ELOVL5: variants seen among roughly 807,000 people sequenced by gnomAD.
ELOVL5 encodes ELOVL fatty acid elongase 5.
ELOVL5 carries 8 observed loss-of-function variants against 38.6 expected under a neutral mutation model. That is an observed-to-expected ratio of 0.21 (90% CI 0.12 to 0.37). The LOEUF (loss-of-function observed/expected upper bound fraction) is 0.37, where lower values mean the gene tolerates loss of function less well. Ranked by LOEUF, ELOVL5 falls within the 10% of genes least tolerant of loss-of-function variation. ELOVL5 has a pLI of 1.00. For synonymous variants in ELOVL5, 127 were observed against 133.7 expected, an observed-to-expected ratio of 0.95 and a Z score of 0.34; for missense variants, 280 against 367.8, an observed-to-expected ratio of 0.76 and a Z score of 1.95.
intron 2 of ELOVL5, chr6:53,294,154 A>T: frequency 7.1e-7 from 1 of 1,416,826 alleles, no homozygotes; most frequent in Non-Finnish European, 9.3e-7. Flanking sequence ...ATCTTTCCAA[A>T]TTGGCACATA....
At chr6:53,269,588 G>T (rs551647135) in intron 7 of ELOVL5, among the ~76,000 whole-genome samples, 1 of 152,310 alleles carries the variant, frequency 6.6e-6, no homozygotes, top group Non-Finnish European at 1.5e-5. Context: ...GATGACAGGG[G>T]TTATGTGGCC....
chr6:53,339,859 G>T (rs1367562891), intron 1 of ELOVL5, among the ~76,000 whole-genome samples: 1 of 152,158 alleles, frequency 6.6e-6, no homozygotes, highest in Non-Finnish European at 1.5e-5. Flanking sequence ...GCTTCAGATA[G>T]GTCCTTCAGG....
At chr6:53,276,559 C>T (rs1009870415) in intron 3 of ELOVL5, among the ~76,000 whole-genome samples, 1 of 152,152 alleles carries the variant, frequency 6.6e-6, no homozygotes, top group East Asian at 1.9e-4. Context: ...AGCACAAGTG[C>T]CCAGACCAAG....
At position 53,279,084 on chromosome 6, in the gene ELOVL5, T is replaced by C. The variant is rs767438084; in HGVS notation, c.247-2828A>G. 1.2e-3 allele frequency among the ~76,000 whole-genome samples: 182 copies of C among 152,206 alleles called. 1 individual carries two copies. The highest frequency in any genetic ancestry group is 3.2e-4 in the Non-Finnish European group (22 of 68,040). On this transcript the variant is annotated intron_variant, in intron 3 of 7. Transcript: ENST00000304434. ...GCATTAGCCCATTAAACCCTAGCTT[T>C]TTCACGTTTTGCTAGGTGACCTTAG...
rs1237300893 is a variant in ELOVL5 at position 53,291,770 on chromosome 6, A to G, written c.246+6T>C. ...GAAAGGAAGACTGTGTTAACCTTTG[A>G]CTTACCTCACAGAACATATACAGAG... On this transcript the variant is annotated splice_donor_region_variant and intron_variant, in intron 3 of 7. Transcript: ENST00000304434. 4 of 1,603,586 alleles carry G rather than the reference A, an allele frequency of 2.5e-6. No homozygotes were observed. Among genetic ancestry groups the G allele is most frequent in the South Asian group, 1.1e-5 (1 of 89,372 alleles).
chr6:53,333,824 A>T (rs1581993053), intron 1 of ELOVL5, among the ~76,000 whole-genome samples: 1 of 152,158 alleles, frequency 6.6e-6, no homozygotes, highest in Admixed American at 6.5e-5. Flanking sequence ...AAAATTTTTA[A>T]ATTATACTTG....
intron 1 of ELOVL5, among the ~76,000 whole-genome samples, chr6:53,348,091 G>T (rs1221365812): frequency 6.8e-6 from 1 of 148,010 alleles, no homozygotes; most frequent in Non-Finnish European, 1.5e-5. Context: ...TCCCAGAAAG[G>T]GCCGCCCCGG....
intron 1 of ELOVL5, among the ~76,000 whole-genome samples, chr6:53,297,745 C>T (rs1022804109): frequency 1.3e-5 from 2 of 151,996 alleles, no homozygotes; most frequent in Non-Finnish European, 1.5e-5. Flanking sequence ...CAGATTTAGG[C>T]TTCCATTCTA....
chr6:53,299,085 G>GA (rs1393096624), intron 1 of ELOVL5, among the ~76,000 whole-genome samples: 3 of 152,034 alleles, frequency 2.0e-5, no homozygotes, highest in African/African-American at 4.8e-5. Flanking sequence ...TGGTGACCTA[G>GA]AAAAAATGAG....
intron 1 of ELOVL5, among the ~76,000 whole-genome samples, chr6:53,316,693 G>C (rs1768058839): frequency 6.6e-6 from 1 of 151,416 alleles, no homozygotes; most frequent in South Asian, 2.1e-4. Context: ...TGTCCAGGGT[G>C]GGCAAGGTGA....
chr6:53,304,047 C>T (rs968931811), intron 1 of ELOVL5, among the ~76,000 whole-genome samples: 30 of 152,214 alleles, frequency 2.0e-4, no homozygotes, highest in African/African-American at 5.3e-4. Context: ...CTAGATACTT[C>T]TGTGTTCAGG....
chr6:53,306,578 G>C (rs1295899563), intron 1 of ELOVL5, among the ~76,000 whole-genome samples: 1 of 152,046 alleles, frequency 6.6e-6, no homozygotes, highest in Non-Finnish European at 1.5e-5. Flanking sequence ...CTTTATTCTA[G>C]GGGAATTCTT....
intron 1 of ELOVL5, among the ~76,000 whole-genome samples, chr6:53,304,954 C>T (rs919646888): frequency 7.9e-5 from 12 of 152,198 alleles, no homozygotes; most frequent in Admixed American, 7.2e-4. Context: ...ACCTCCCAGA[C>T]GGGGTGGTGG....
At chr6:53,305,302 G>C (rs866156263) in intron 1 of ELOVL5, among the ~76,000 whole-genome samples, 1 of 115,830 alleles carries the variant, frequency 8.6e-6, no homozygotes, top group African/African-American at 3.6e-5. Context: ...CTCACCTCCC[G>C]GACAGGGCGG....
At position 53,291,940 on chromosome 6, in the gene ELOVL5, G is replaced by A. The variant is rs775638512; in HGVS notation, c.82C>T (p.Leu28Phe). The change falls in exon 3 of 8, where the codon CTT becomes TTT. Residue 28 changes from leucine to phenylalanine, a missense_variant. Coordinates refer to ENST00000304434, the MANE Select transcript of ELOVL5 (RefSeq NM_021814.5). ...AATGTGGGTATATAATTGTCCAGAA[G>A]AAACCATCCTTTTACTCTAGTATCT... ...PRDTRVKGWF[L>F]LDNYIPTFIC... 2 of 1,579,462 alleles carry A rather than the reference G, an allele frequency of 1.3e-6. No homozygotes were observed. Among genetic ancestry groups the A allele is most frequent in the Non-Finnish European group, 1.7e-6 (2 of 1,160,780 alleles).
intron 1 of ELOVL5, among the ~76,000 whole-genome samples, chr6:53,315,939 A>C (rs570501020): frequency 3.9e-5 from 6 of 152,316 alleles, no homozygotes; most frequent in African/African-American, 1.2e-4. Context: ...TAGGCTCTGA[A>C]ACTATACTGT....
chr6:53,340,515 T>G (rs1389515187), intron 1 of ELOVL5, among the ~76,000 whole-genome samples: 1 of 152,226 alleles, frequency 6.6e-6, no homozygotes, highest in East Asian at 1.9e-4. Context: ...CAACTTCCAG[T>G]CCTGCAAGCT....
intron 3 of ELOVL5, among the ~76,000 whole-genome samples, chr6:53,291,528 A>G (rs540479079): frequency 1.3e-5 from 2 of 152,238 alleles, no homozygotes; most frequent in Non-Finnish European, 2.9e-5. Context: ...TGAATATCAT[A>G]CGAAACATAA....
chr6:53,300,866 C>T (rs1178272755), intron 1 of ELOVL5, among the ~76,000 whole-genome samples: 2 of 152,214 alleles, frequency 1.3e-5, no homozygotes, highest in East Asian at 3.9e-4. Context: ...TCTGCTCACA[C>T]TGCTACCATC....
Sources: allele counts gnomAD v4.1 joint callset (sites outside exome capture counted in the v4.1 genomes callset), GRCh38; gene constraint gnomAD v4.1.1; transcripts MANE v1.5; gene names NCBI Gene and HGNC (gene_info 2026-07-23, HGNC 2026-07-21).